EEIG2: variants seen among roughly 807,000 people sequenced by gnomAD.
The protein encoded by EEIG2 is EEIG family member 2, also known as family with sequence similarity 102 member B.
chr1:108,632,889 C>T, the EEIG2 span, among the ~76,000 whole-genome samples: 1 of 151,888 alleles, frequency 6.6e-6, no homozygotes, highest in Non-Finnish European at 1.5e-5. Flanking sequence ...CAGCCTTCAA[C>T]CCCGGGCTCA....
chr1:108,630,776 C>G, the EEIG2 span, among the ~76,000 whole-genome samples: 1 of 152,160 alleles, frequency 6.6e-6, no homozygotes, highest in Non-Finnish European at 1.5e-5. Context: ...TCTGTGCACC[C>G]CTAATTCCAT....
chr1:108,576,027 G>A, the EEIG2 span, among the ~76,000 whole-genome samples: 25 of 152,158 alleles, frequency 1.6e-4, no homozygotes, highest in Non-Finnish European at 3.7e-4. Context: ...TTTTGTGTGT[G>A]TGTGAGATAC....
the EEIG2 span, among the ~76,000 whole-genome samples, chr1:108,581,680 T>G: frequency 6.6e-6 from 1 of 152,222 alleles, no homozygotes; most frequent in South Asian, 2.1e-4. Flanking sequence ...ACTGAATTGC[T>G]GCAATCTCAT....
At chr1:108,626,093 A>AGCTTCTTAGAGGCTT in the EEIG2 span, 1 of 152,030 alleles carries the variant, frequency 6.6e-6, no homozygotes, top group Non-Finnish European at 1.5e-5. Context: ...TTCCTTTTCT[A>AGCTTCTTAGAGGCTT]GCTTCTTAGA....
chr1:108,588,348 T>A, the EEIG2 span, among the ~76,000 whole-genome samples: 4 of 152,194 alleles, frequency 2.6e-5, no homozygotes, highest in Non-Finnish European at 5.9e-5. Context: ...TTCCCTTTTC[T>A]GCATATCCTC....
chr1:108,605,947 A>G, the EEIG2 span, among the ~76,000 whole-genome samples: 4 of 152,198 alleles, frequency 2.6e-5, no homozygotes, highest in African/African-American at 9.7e-5. Context: ...GTGAGTCCAC[A>G]ACACTTTTTG....
chr1:108,599,509 A>G, the EEIG2 span, among the ~76,000 whole-genome samples: 3 of 151,932 alleles, frequency 2.0e-5, no homozygotes, highest in Non-Finnish European at 4.4e-5. Flanking sequence ...CCCAATACCT[A>G]CATACGACAG....
chr1:108,619,209 T>G, the EEIG2 span, among the ~76,000 whole-genome samples: 1 of 152,212 alleles, frequency 6.6e-6, no homozygotes, highest in South Asian at 2.1e-4. Flanking sequence ...CTCCATAAAT[T>G]TAATTCTGAC....
At chr1:108,560,763 G>T in the EEIG2 span, among the ~76,000 whole-genome samples, 1 of 152,080 alleles carries the variant, frequency 6.6e-6, no homozygotes. Context: ...ACTCCAGATG[G>T]TGCCTGGTAT....
chr1:108,588,232 T>C, the EEIG2 span, among the ~76,000 whole-genome samples: 5 of 152,152 alleles, frequency 3.3e-5, no homozygotes, highest in Non-Finnish European at 5.9e-5. Context: ...TACCCAGATG[T>C]GGAATTGCTG....
chr1:108,585,269 CTT>C, the EEIG2 span, among the ~76,000 whole-genome samples: 17 of 152,116 alleles, frequency 1.1e-4, no homozygotes, highest in African/African-American at 4.1e-4. Context: ...GCTAAGATAA[CTT>C]ATATAAACCC....
chr1:108,600,707 T>A, the EEIG2 span: 1 of 1,588,612 alleles, frequency 6.3e-7, no homozygotes, highest in South Asian at 1.1e-5. Flanking sequence ...AGCCTATTAC[T>A]TCTTCCCTTT....
At chr1:108,629,117 A>G in the EEIG2 span, among the ~76,000 whole-genome samples, 2 of 152,216 alleles carry the variant, frequency 1.3e-5, no homozygotes, top group Admixed American at 6.5e-5. Context: ...TGCTTTTGTT[A>G]TAAGTGCTTT....
the EEIG2 span, among the ~76,000 whole-genome samples, chr1:108,611,231 TATA>T: frequency 6.6e-6 from 1 of 152,216 alleles, no homozygotes; most frequent in African/African-American, 2.4e-5. Flanking sequence ...TTTTGAAATG[TATA>T]ATACTTTTTA....
the EEIG2 span, among the ~76,000 whole-genome samples, chr1:108,584,666 A>C: frequency 6.6e-6 from 1 of 152,166 alleles, no homozygotes; most frequent in Non-Finnish European, 1.5e-5. Flanking sequence ...CTGGTGTCTA[A>C]ACATGGTTAT....
chr1:108,629,502 T>C, the EEIG2 span: 1 of 979,828 alleles, frequency 1.0e-6, no homozygotes, highest in Non-Finnish European at 1.5e-6. Context: ...TAAACAATTG[T>C]AAAATATGAA....
the EEIG2 span, among the ~76,000 whole-genome samples, chr1:108,624,050 AG>A: frequency 6.6e-6 from 1 of 152,202 alleles, no homozygotes; most frequent in Admixed American, 6.5e-5. Context: ...GTGGAATAGG[AG>A]TTTGAATTAA....
At chr1:108,603,643 A>G in the EEIG2 span, among the ~76,000 whole-genome samples, 3 of 152,208 alleles carry the variant, frequency 2.0e-5, no homozygotes, top group African/African-American at 7.2e-5. Context: ...ATGACCAAAA[A>G]TCAAAAGGAA....
chr1:108,583,165 G>GTT, the EEIG2 span, among the ~76,000 whole-genome samples: 1 of 150,082 alleles, frequency 6.7e-6, no homozygotes, highest in Non-Finnish European at 1.5e-5. Flanking sequence ...TTTGTTTTTT[G>GTT]TTTTTTTTTG....
Sources: gnomAD v4.1 joint callset for allele counts (sites outside exome capture counted in the v4.1 genomes callset) on GRCh38, gnomAD v4.1.1 for gene constraint, MANE v1.5 for transcripts, NCBI Gene and HGNC (gene_info 2026-07-23, HGNC 2026-07-21) for gene names.